Variants in MMP2 observed in about 807,000 individuals in gnomAD.
The protein encoded by MMP2 is 72 kDa type IV collagenase.
Under a neutral mutation model 74.8 loss-of-function variants are expected in MMP2, and 39 were observed. That is an observed-to-expected ratio of 0.52 (90% confidence interval 0.40 to 0.68). MMP2 has a LOEUF of 0.68. Ranked by LOEUF, MMP2 falls within the 30% of genes least tolerant of loss-of-function variation. The probability of loss-of-function intolerance (pLI) is 0.00; values close to 1 mark genes in which losing one functional copy is unlikely to be tolerated. For missense variants in MMP2, 803 were observed against 878.3 expected (o/e 0.91, Z 1.08); for synonymous variants, 367 against 339.8 (o/e 1.08, Z -0.88).
chr16:55,488,823 G>A, intron 6 of MMP2, 107 bp downstream of exon 6: 2 of 1,201,510 alleles, frequency 1.7e-6, no homozygotes, highest in Non-Finnish European at 2.4e-6. Flanking sequence ...AGACAGGGGT[G>A]CTAAGACATC....
rs369694784 is a variant in MMP2 at position 55,505,651 on chromosome 16, G to C, written c.*209G>C. The C allele has an allele frequency of 3.2e-5, 19 of 601,250 alleles. No homozygotes were observed. Among genetic ancestry groups the C allele is most frequent in the African/African-American group, 2.2e-4 (12 of 54,014 alleles). The allele number at this position is 601,250 out of a possible 1,614,324, so 37.2% of individuals were successfully genotyped here. On this transcript the variant is annotated 3_prime_UTR_variant, in exon 13 of 13. Transcript: ENST00000219070. ...GATGCTGACTGTACTCCTCCCAGGC[G>C]CCCCTTCCCCCTCCAATCCCACCAA...
intron 5 of MMP2, chr16:55,487,108 C>G (rs1962279269): frequency 6.6e-6 from 1 of 152,202 alleles, no homozygotes; most frequent in Admixed American, 6.5e-5. Context: ...CTGATAGGAA[C>G]AGAAAGCTTT....
intron 6 of MMP2, among the ~76,000 whole-genome samples, chr16:55,489,372 T>C (rs1962342956): frequency 6.6e-6 from 1 of 152,236 alleles, no homozygotes; most frequent in South Asian, 2.1e-4. Flanking sequence ...GGAATCTGGC[T>C]TCCTGGGTTT....
chr16:55,506,009 A>G lies in MMP2; in HGVS notation c.*567A>G, dbSNP rs1460692752. ...TTTTTTTTTTCCACTTAGAAATTGC[A>G]TTTCCTGACAGAAGGACTCAGGTTG... On this transcript the variant is annotated 3_prime_UTR_variant, in exon 13 of 13. Transcript: ENST00000219070. The G allele has an allele frequency of 1.2e-5, 2 of 162,600 alleles. No homozygotes were observed. The highest frequency in any genetic ancestry group is 2.7e-5 in the Non-Finnish European group (2 of 74,218). 10.1% of individuals were successfully genotyped at this position (162,600 alleles called of 1,614,324 possible). A position where few individuals can be genotyped will look rare whatever the true frequency, so the allele number is the denominator to read the frequency against.
At position 55,491,972 on chromosome 16, in the gene MMP2, G is replaced by T. The variant is rs1488383348; in HGVS notation, c.1336+16G>T. On this transcript the variant is annotated intron_variant, in intron 8 of 12. Coordinates refer to ENST00000219070, the MANE Select transcript of MMP2 (RefSeq NM_004530.6). ...GAGCTCTATGGTAAACCTCCGGGCG[G>T]GGGTTGGGGGTGGAGGGTGAGGAGG... 3.1e-6 allele frequency: 5 copies of T among 1,606,616 alleles called. No individual in the cohort carries two copies. Among genetic ancestry groups the T allele is most frequent in the Non-Finnish European group, 4.3e-6 (5 of 1,175,126 alleles).
At chr16:55,497,127 G>A (rs541569551) in intron 10 of MMP2, 65 bp downstream of exon 10, 1 of 1,607,596 alleles carries the variant, frequency 6.2e-7, no homozygotes, top group South Asian at 1.1e-5. Flanking sequence ...GCTCCTGGGT[G>A]TCCCAGGCTC....
At chr16:55,485,028 G>A (rs970435964) in intron 3 of MMP2, among the ~76,000 whole-genome samples, 8 of 152,170 alleles carry the variant, frequency 5.3e-5, no homozygotes, top group Admixed American at 3.3e-4. Context: ...GGTACATATA[G>A]TGTCATGGTG....
chr16:55,486,741 A>C (rs1457472729), intron 5 of MMP2: 1 of 152,162 alleles, frequency 6.6e-6, no homozygotes, highest in Non-Finnish European at 1.5e-5. Context: ...ACCTGGCGAA[A>C]ATGGAAAAAA....
intron 12 of MMP2, 84 bp from the exon 13 acceptor site, chr16:55,505,255 G>A: frequency 8.8e-7 from 1 of 1,130,234 alleles, no homozygotes; most frequent in Admixed American, 1.7e-5. Context: ...CCTATGCCAG[G>A]CAGAAATTCA....
At chr16:55,485,918 A>T in intron 5 of MMP2, 141 bp downstream of exon 5, 1 of 829,790 alleles carries the variant, frequency 1.2e-6, no homozygotes, top group Non-Finnish European at 2.0e-6. Flanking sequence ...TCCTTCACTC[A>T]GTTCCCCCCC....
In MMP2 at chr16:55,486,347, C is replaced by CG. The variant is rs1962254668; in HGVS notation, c.832+570_832+571insG. 4.4e-4 allele frequency among the ~76,000 whole-genome samples: 60 copies of CG among 137,806 alleles called. 1 individual carries two copies. The highest frequency in any genetic ancestry group is 1.6e-3 in the African/African-American group (57 of 35,996). 90.4% of individuals were successfully genotyped at this position (137,806 alleles called of 152,430 possible). A position where few individuals can be genotyped will look rare whatever the true frequency, so the allele number is the denominator to read the frequency against. On this transcript the variant is annotated intron_variant, in intron 5 of 12. Transcript: ENST00000219070. ...CGTGTGTGTGTGTGTGTGTGTGTGCCTGTGTGTGTGTGTGTGTGTGTGTGT... is the reference window on the plus strand; with the variant it reads ...CGTGTGTGTGTGTGTGTGTGTGTGCCGTGTGTGTGTGTGTGTGTGTGTGTGT...
In MMP2 at chr16:55,497,044, A is replaced by C; in HGVS notation, c.1591A>C (p.Lys531Gln). The C allele has an allele frequency of 6.2e-7, 1 of 1,614,050 alleles. No individual in the cohort carries two copies. Among genetic ancestry groups the C allele is most frequent in the South Asian group, 1.1e-5 (1 of 91,080 alleles). The change falls in exon 10 of 13, where the codon AAG becomes CAG. Residue 531 changes from lysine to glutamine, a missense_variant. Coordinates refer to ENST00000219070, the MANE Select transcript of MMP2 (RefSeq NM_004530.6). Reference protein sequence around the residue: ...DAVYEAPQEEKAVFFAGNEYW... With the variant: ...DAVYEAPQEEQAVFFAGNEYW... ...GGTATACGAGGCCCCACAGGAGGAG[A>C]AGGCTGTGTTCTTTGCAGGTGTGTG...
intron 9 of MMP2, among the ~76,000 whole-genome samples, chr16:55,495,938 C>G (rs1029988241): frequency 6.6e-6 from 1 of 152,300 alleles, no homozygotes; most frequent in Admixed American, 6.5e-5. Flanking sequence ...CGCACAGATA[C>G]ACACACACAG....
intron 11 of MMP2, 46 bp from the exon 12 acceptor site, chr16:55,502,733 T>G (rs1246525721): frequency 2.6e-6 from 4 of 1,547,074 alleles, no homozygotes; most frequent in African/African-American, 1.4e-5. Flanking sequence ...GGGGGAAGTG[T>G]CCTTTAGAGA....
chr16:55,497,013 T>G lies in MMP2; in HGVS notation c.1560T>G (p.Ile520Met), dbSNP rs137912216. Residue 520 changes from isoleucine to methionine, a missense_variant, in exon 10 of 13, where the codon ATT (isoleucine) becomes ATG (methionine). Physicochemically the swap from Ile to Met is conservative, Grantham distance 10 (BLOSUM62 1). Transcript: ENST00000219070. ...ATFWPELPEKIDAVYEAPQEE... is the reference protein window; with the variant it reads ...ATFWPELPEKMDAVYEAPQEE... Reference sequence around the variant, plus strand: ...TCTGGCCTGAGCTCCCGGAAAAGATTGATGCGGTATACGAGGCCCCACAGG... The same window carrying G: ...TCTGGCCTGAGCTCCCGGAAAAGATGGATGCGGTATACGAGGCCCCACAGG... The G allele has an allele frequency of 1.9e-6, 3 of 1,614,042 alleles. No individual in the cohort carries two copies. The African/African-American group carries it at 4.0e-5, about 22-fold the overall frequency.
chr16:55,500,913 C>G (rs1377576824), intron 11 of MMP2, among the ~76,000 whole-genome samples: 1 of 152,232 alleles, frequency 6.6e-6, no homozygotes, highest in African/African-American at 2.4e-5. Context: ...CTTGTAGAAG[C>G]TTTCACTAAG....
chr16:55,484,356 G>C (rs1032803480), intron 3 of MMP2, among the ~76,000 whole-genome samples, 192 bp downstream of exon 3: 1 of 152,262 alleles, frequency 6.6e-6, no homozygotes, highest in South Asian at 2.1e-4. Context: ...CGTTGACATG[G>C]GGGCAGATGG....
At chr16:55,484,783 C>T (rs945534601) in intron 3 of MMP2, among the ~76,000 whole-genome samples, 4 of 152,272 alleles carry the variant, frequency 2.6e-5, no homozygotes, top group Middle Eastern at 3.4e-3. Flanking sequence ...GGTATAGACA[C>T]TGAGTGGTAA....
chr16:55,488,753 C>T (rs776053279), intron 6 of MMP2, 37 bp downstream of exon 6: 1 of 1,553,992 alleles, frequency 6.4e-7, no homozygotes, highest in Non-Finnish European at 8.7e-7. Flanking sequence ...CAGGGCCCAG[C>T]ACCTGCTGTC....
Sources: allele counts gnomAD v4.1 joint callset (sites outside exome capture counted in the v4.1 genomes callset), GRCh38; gene constraint gnomAD v4.1.1; transcripts MANE v1.5; gene names NCBI Gene and HGNC (gene_info 2026-07-23, HGNC 2026-07-21).